The following VDAC1 variants were observed in gnomAD, a reference collection of about 807,000 sequenced individuals.
The protein encoded by VDAC1 is voltage dependent anion channel 1, also known as non-selective voltage-gated ion channel VDAC1.
VDAC1 carries 10 observed loss-of-function variants against 34.7 expected under a neutral mutation model. The ratio of observed to expected loss-of-function variants is 0.29; its 90% CI spans 0.18 to 0.49. VDAC1 has a LOEUF of 0.49. VDAC1 is among the 20% of genes least tolerant of loss of function. The pLI is 0.99. For missense variants in VDAC1, 230 were observed against 347.9 expected (o/e 0.66, Z 2.69); for synonymous variants, 130 against 136.0 (o/e 0.96, Z 0.30).
At chr5:134,060,179 C>T in the VDAC1 span, among the ~76,000 whole-genome samples, 25 of 152,044 alleles carry the variant, frequency 1.6e-4, no homozygotes, top group Admixed American at 1.4e-3. Flanking sequence ...ATTTCAGCAG[C>T]TGGAAACTTT....
chr5:134,092,244 G>A, the VDAC1 span, among the ~76,000 whole-genome samples: 2 of 152,216 alleles, frequency 1.3e-5, no homozygotes, highest in Non-Finnish European at 2.9e-5. Context: ...ATTCCAGACT[G>A]TGAGTAATTC....
the VDAC1 span, among the ~76,000 whole-genome samples, chr5:134,026,202 A>G: frequency 6.6e-6 from 1 of 152,190 alleles, no homozygotes; most frequent in Non-Finnish European, 1.5e-5. Context: ...AAGTTGGCCC[A>G]ACTTTTTTTA....
the VDAC1 span, among the ~76,000 whole-genome samples, chr5:134,055,614 T>TGTTTTTTG: frequency 1.6e-5 from 2 of 128,920 alleles, no homozygotes; most frequent in African/African-American, 5.7e-5. Context: ...TTTTTTTTTT[T>TGTTTTTTG]TTTTTAGTAG....
At chr5:133,985,437 T>A (rs1422604937) in intron 5 of VDAC1, among the ~76,000 whole-genome samples, 1 of 152,114 alleles carries the variant, frequency 6.6e-6, no homozygotes, top group Non-Finnish European at 1.5e-5. Context: ...GCAGATCACT[T>A]GAGGTCAGGA....
the VDAC1 span, among the ~76,000 whole-genome samples, chr5:134,104,106 G>A: frequency 6.6e-6 from 1 of 152,120 alleles, no homozygotes; most frequent in African/African-American, 2.4e-5. Flanking sequence ...GGCCCAGCCT[G>A]CTGCAAATGA....
At chr5:134,084,795 T>A in the VDAC1 span, among the ~76,000 whole-genome samples, 1 of 152,240 alleles carries the variant, frequency 6.6e-6, no homozygotes, top group Admixed American at 6.5e-5. Flanking sequence ...TCCAAGGCAA[T>A]CCAGGGAATA....
chr5:134,097,984 C>T, the VDAC1 span, among the ~76,000 whole-genome samples: 6 of 152,076 alleles, frequency 3.9e-5, no homozygotes, highest in South Asian at 1.0e-3. Context: ...ATTCTCCAGC[C>T]GCAACTTCCC....
the VDAC1 span, among the ~76,000 whole-genome samples, chr5:134,058,399 C>T: frequency 5.9e-5 from 9 of 151,962 alleles, no homozygotes; most frequent in South Asian, 2.1e-4. Flanking sequence ...CTGGAAGCTC[C>T]GCCTCCTGAG....
At chr5:134,043,619 A>G in the VDAC1 span, among the ~76,000 whole-genome samples, 1 of 151,822 alleles carries the variant, frequency 6.6e-6, no homozygotes, top group Admixed American at 6.6e-5. Context: ...TGCAGCCTCA[A>G]CCTCCAGGCT....
At chr5:133,978,242 C>G (rs1752554310) in intron 6 of VDAC1, among the ~76,000 whole-genome samples, 1 of 152,024 alleles carries the variant, frequency 6.6e-6, no homozygotes, top group Non-Finnish European at 1.5e-5. Flanking sequence ...TCATAGCTCA[C>G]TGTAACCTCA....
the VDAC1 span, among the ~76,000 whole-genome samples, chr5:134,018,370 C>T: frequency 6.6e-6 from 1 of 152,190 alleles, no homozygotes; most frequent in African/African-American, 2.4e-5. Context: ...GGGATCTGCC[C>T]CCATGACTAA....
chr5:133,981,861 G>A (rs1234206134), intron 5 of VDAC1, among the ~76,000 whole-genome samples: 2 of 152,196 alleles, frequency 1.3e-5, no homozygotes, highest in Non-Finnish European at 2.9e-5. Flanking sequence ...TCTCAGCAGA[G>A]ACCACAGGAG....
the VDAC1 span, among the ~76,000 whole-genome samples, chr5:134,104,852 C>G: frequency 3.3e-5 from 5 of 152,230 alleles, no homozygotes; most frequent in Non-Finnish European, 7.3e-5. Flanking sequence ...CCACTCACAA[C>G]GGATGCACTC....
the VDAC1 span, among the ~76,000 whole-genome samples, chr5:134,078,946 C>T: frequency 0.088 from 13,118 of 149,086 alleles, 662 homozygotes; most frequent in South Asian, 0.16. Context: ...CCACTGTGCC[C>T]GGTCTATTTT....
At chr5:134,111,380 C>T in the VDAC1 span, among the ~76,000 whole-genome samples, 1 of 152,154 alleles carries the variant, frequency 6.6e-6, no homozygotes, top group Admixed American at 6.5e-5. Context: ...CTGGGGCCTC[C>T]TTGCAGCTGG....
At chr5:134,079,750 C>T in the VDAC1 span, among the ~76,000 whole-genome samples, 3 of 152,188 alleles carry the variant, frequency 2.0e-5, no homozygotes, top group Non-Finnish European at 4.4e-5. Flanking sequence ...GTTGCTGCCC[C>T]AGGCCTTCCC....
the VDAC1 span, among the ~76,000 whole-genome samples, chr5:134,092,753 A>AC: frequency 6.6e-6 from 1 of 151,990 alleles, no homozygotes; most frequent in Non-Finnish European, 1.5e-5. Flanking sequence ...GTGTCAGATT[A>AC]CCCCAAAACC....
the VDAC1 span, among the ~76,000 whole-genome samples, chr5:134,086,662 TTTTCTTCCTTCTTC>T: frequency 2.0e-5 from 3 of 152,178 alleles, no homozygotes; most frequent in Admixed American, 6.5e-5. Flanking sequence ...TTCTCCTTCT[TTTTCTTCCTTCTTC>T]TTTCTTCCTT....
intron 5 of VDAC1, among the ~76,000 whole-genome samples, chr5:133,985,878 G>A (rs1400934298): frequency 6.6e-6 from 1 of 152,196 alleles, no homozygotes; most frequent in South Asian, 2.1e-4. Context: ...CACAAACTAT[G>A]ATGCCTATGG....
Sources: allele counts gnomAD v4.1 joint callset (sites outside exome capture counted in the v4.1 genomes callset), GRCh38; gene constraint gnomAD v4.1.1; transcripts MANE v1.5; gene names NCBI Gene and HGNC (gene_info 2026-07-23, HGNC 2026-07-21).